Variants in PI4KB observed in about 807,000 individuals in gnomAD.
The protein encoded by PI4KB is phosphatidylinositol 4-kinase beta, also known as PtdIns 4-kinase beta.
In PI4KB, 23 loss-of-function variants were observed where a neutral mutation model predicts 81.4. That is an observed-to-expected ratio of 0.28 (90% confidence interval 0.20 to 0.40). PI4KB has a LOEUF of 0.40. Among genes scored for constraint, PI4KB ranks in the 10% least tolerant of loss-of-function variants. The pLI is 1.00. For synonymous variants in PI4KB, 381 were observed against 406.8 expected (o/e 0.94, Z 0.76); for missense variants, 651 against 1,036.6 (o/e 0.63, Z 5.11).
At chr1:151,300,396 C>T (rs1025537925) in intron 8 of PI4KB, among the ~76,000 whole-genome samples, 28 of 152,162 alleles carry the variant, frequency 1.8e-4, no homozygotes, top group Non-Finnish European at 2.9e-4. Context: ...CACCTGAGGT[C>T]GGGAGTTCGA....
intron 3 of PI4KB, 106 bp from the exon 4 acceptor site, chr1:151,307,907 G>C (rs587619449): frequency 1.2e-6 from 1 of 803,522 alleles, no homozygotes; most frequent in African/African-American, 1.7e-5. Flanking sequence ...CCCACTATCT[G>C]GAGAACTCCA....
intron 4 of PI4KB, among the ~76,000 whole-genome samples, chr1:151,307,015 C>T (rs1191762782): frequency 1.3e-5 from 2 of 152,088 alleles, no homozygotes; most frequent in African/African-American, 4.8e-5. Flanking sequence ...GCGGAGGTTG[C>T]AGTAAGCCAA....
At chr1:151,312,971 C>G (rs1193744315) in intron 2 of PI4KB, among the ~76,000 whole-genome samples, 4 of 152,114 alleles carry the variant, frequency 2.6e-5, no homozygotes, top group African/African-American at 9.7e-5. Context: ...TGAGCTATGA[C>G]TGTGCCACTG....
chr1:151,318,823 G>T (rs1339191840), intron 1 of PI4KB, among the ~76,000 whole-genome samples: 4 of 151,884 alleles, frequency 2.6e-5, no homozygotes, highest in Non-Finnish European at 5.9e-5. Context: ...GAAAATAAAG[G>T]CCAGTAAATA....
chr1:151,293,239 A>C, intron 11 of PI4KB: 1 of 985,316 alleles, frequency 1.0e-6, no homozygotes, highest in Non-Finnish European at 1.2e-6. Context: ...TCTGTAGGTG[A>C]GGGCATGTGG....
chr1:151,302,413 AC>A, intron 6 of PI4KB, 115 bp from the exon 7 acceptor site: 1 of 717,906 alleles, frequency 1.4e-6, no homozygotes, highest in Non-Finnish European at 2.5e-6. Flanking sequence ...AAAGATAGGA[AC>A]CCAGGCTGAA....
chr1:151,303,624 A>G lies in PI4KB; in HGVS notation c.1437T>C (p.Cys479=), dbSNP rs1261696369. ...VELPEVHTNS[C]DNISQFSVDS... ...CCACAGAGAACTGGGAGATGTTGTCACAGCTGTTGGTATGCACTTCGGGGA... is the reference window on the plus strand; with the variant it reads ...CCACAGAGAACTGGGAGATGTTGTCGCAGCTGTTGGTATGCACTTCGGGGA... The change falls in exon 6 of 12, where the codon TGT becomes TGC. Residue 479 remains cysteine (C), a synonymous_variant. Coordinates refer to ENST00000368873, the MANE Select transcript of PI4KB (RefSeq NM_001369623.2). The G allele has an allele frequency of 6.2e-7, 1 of 1,613,612 alleles. No individual in the cohort carries two copies. The highest frequency in any genetic ancestry group is 2.2e-5 in the East Asian group (1 of 44,878).
chr1:151,304,890 C>T (rs1488222116), intron 5 of PI4KB, among the ~76,000 whole-genome samples: 2 of 148,672 alleles, frequency 1.3e-5, no homozygotes, highest in Non-Finnish European at 3.0e-5. Flanking sequence ...AGTGCAGTGG[C>T]GTGATCTTGG....
chr1:151,311,954 C>A (rs1160525879), intron 2 of PI4KB, among the ~76,000 whole-genome samples: 1 of 152,232 alleles, frequency 6.6e-6, no homozygotes, highest in Non-Finnish European at 1.5e-5. Context: ...ATACCTAAAT[C>A]ACTCTCTCCT....
rs1647886682 is a variant in PI4KB at position 151,316,062 on chromosome 1, G to A, written c.420C>T (p.Asp140=). 6.2e-7 allele frequency: 1 copy of A among 1,614,044 alleles called. No homozygotes were observed. Among genetic ancestry groups the A allele is most frequent in the Non-Finnish European group, 8.5e-7 (1 of 1,180,028 alleles). Residue 140 remains aspartate (D), a synonymous_variant, in exon 2 of 12, where the codon GAC becomes GAT. Transcript: ENST00000368873. Reference sequence around the variant, plus strand: ...ACAGGTATGAAATGGCCATGGAGATGTCAAACAGTTTTGACTCAAACAGCC... The same window carrying A: ...ACAGGTATGAAATGGCCATGGAGATATCAAACAGTTTTGACTCAAACAGCC... ...LLRLFESKLF[D]ISMAISYLYN... is the part of the protein sequence containing the mutation.
At chr1:151,295,018 C>G (rs899279337) in intron 9 of PI4KB, among the ~76,000 whole-genome samples, 1 of 152,200 alleles carries the variant, frequency 6.6e-6, no homozygotes, top group Non-Finnish European at 1.5e-5. Context: ...TGGAAGGGAA[C>G]AACAACAGAA....
intron 9 of PI4KB, among the ~76,000 whole-genome samples, chr1:151,297,657 C>T (rs1694925990): frequency 6.6e-6 from 1 of 152,064 alleles, no homozygotes; most frequent in Non-Finnish European, 1.5e-5. Flanking sequence ...CCTGCTCAGC[C>T]TCCCAAATAG....
Position 151,315,900 on chromosome 1 carries a change from A to G in PI4KB, c.582T>C (p.Ile194=). The change falls in exon 2 of 12, where the codon ATT becomes ATC. Residue 194 remains isoleucine (I), a synonymous_variant. Transcript: ENST00000368873. ...IHMDEDVGDA[I]KPYIVHRCRQ... ...GGCAACGGTGGACTATGTAGGGCTT[A>G]ATGGCATCACCCACGTCCTCATCCA... 6.2e-7 allele frequency: 1 copy of G among 1,614,124 alleles called. No homozygotes were observed. Among genetic ancestry groups the G allele is most frequent in the Non-Finnish European group, 8.5e-7 (1 of 1,180,014 alleles).
At chr1:151,326,374 C>T (rs1245183353) in intron 1 of PI4KB, 1 of 579,924 alleles carries the variant, frequency 1.7e-6, no homozygotes, top group African/African-American at 1.9e-5. Flanking sequence ...TTAGTTGATC[C>T]TGAAATAAGT....
intron 2 of PI4KB, 114 bp downstream of exon 2, chr1:151,315,458 GA>G (rs1234001595): frequency 4.0e-6 from 3 of 744,914 alleles, no homozygotes; most frequent in Non-Finnish European, 7.1e-6. Flanking sequence ...TTTTATCAGT[GA>G]AATGAAACAG....
At chr1:151,305,871 C>T (rs587713317) in intron 5 of PI4KB, among the ~76,000 whole-genome samples, 9 of 152,240 alleles carry the variant, frequency 5.9e-5, no homozygotes, top group African/African-American at 2.2e-4. Context: ...TAAATATTTT[C>T]ATTAAATTTC....
At chr1:151,326,345 T>TCAAC (rs1649606343) in intron 1 of PI4KB, 1 of 618,840 alleles carries the variant, frequency 1.6e-6, no homozygotes, top group Admixed American at 3.2e-5. Flanking sequence ...ACAACACATT[T>TCAAC]TTCTTCTTAG....
At chr1:151,296,180 G>A (rs1020475060) in intron 9 of PI4KB, among the ~76,000 whole-genome samples, 3 of 152,156 alleles carry the variant, frequency 2.0e-5, no homozygotes, top group African/African-American at 7.2e-5. Context: ...CTGGGAGGCA[G>A]AGGTTACAGT....
chr1:151,303,656 GA>G lies in PI4KB; in HGVS notation c.1411-7del. The G allele has an allele frequency of 6.3e-7, 1 of 1,594,776 alleles. No individual in the cohort carries two copies. The highest frequency in any genetic ancestry group is 8.6e-7 in the Non-Finnish European group (1 of 1,162,382). ...TTGGTATGCACTTCGGGGAGCTGGA[GA>G]AAGGGGAGTGCTGGTCAGAAGTGCT... is the stretch of plus-strand genomic sequence containing the variant. On this transcript the variant is annotated splice_region_variant and splice_polypyrimidine_tract_variant and intron_variant, in intron 5 of 11. Coordinates refer to ENST00000368873, the MANE Select transcript of PI4KB (RefSeq NM_001369623.2).
Sources: allele counts gnomAD v4.1 joint callset (sites outside exome capture counted in the v4.1 genomes callset), GRCh38; gene constraint gnomAD v4.1.1; transcripts MANE v1.5; gene names NCBI Gene and HGNC (gene_info 2026-07-23, HGNC 2026-07-21).